DTNB: variants seen among roughly 807,000 people sequenced by gnomAD.
The protein encoded by DTNB is dystrobrevin beta, also known as DTN-B.
DTNB carries 63 observed loss-of-function variants against 90.7 expected under a neutral mutation model. The observed-to-expected ratio is 0.69, with a 90% CI of 0.57 to 0.86. The LOEUF (loss-of-function observed/expected upper bound fraction) is 0.86. DTNB is among the 40% of genes least tolerant of loss of function. DTNB has a pLI of 0.00. For missense variants in DTNB, 744 were observed against 807.1 expected (o/e 0.92, Z 0.95); for synonymous variants, 277 against 286.7 (o/e 0.97, Z 0.34).
intron 8 of DTNB, among the ~76,000 whole-genome samples, chr2:25,569,070 G>A (rs1052445226): frequency 6.6e-6 from 1 of 152,160 alleles, no homozygotes; most frequent in African/African-American, 2.4e-5. Flanking sequence ...GTCTGTTCCA[G>A]CAGATCCCGG....
At chr2:25,469,521 C>T (rs1000507869) in intron 10 of DTNB, among the ~76,000 whole-genome samples, 2 of 152,194 alleles carry the variant, frequency 1.3e-5, no homozygotes, top group Admixed American at 6.5e-5. Context: ...TCTCAGCTCA[C>T]TGCAACCTCC....
chr2:25,585,628 C>T (rs1183022401), intron 6 of DTNB, among the ~76,000 whole-genome samples: 8 of 152,196 alleles, frequency 5.3e-5, no homozygotes, highest in Non-Finnish European at 1.0e-4. Context: ...TATAGATCAT[C>T]ATTGCTACAG....
At chr2:25,446,080 A>C (rs2058381447) in intron 12 of DTNB, among the ~76,000 whole-genome samples, 1 of 152,148 alleles carries the variant, frequency 6.6e-6, no homozygotes, top group Non-Finnish European at 1.5e-5. Flanking sequence ...TTTAGGATGA[A>C]TCTTACTGTG....
chr2:25,446,824 T>C (rs1448313138), intron 12 of DTNB, among the ~76,000 whole-genome samples: 1 of 152,226 alleles, frequency 6.6e-6, no homozygotes, highest in African/African-American at 2.4e-5. Context: ...TTCAAACATT[T>C]TTTAACCCTA....
intron 8 of DTNB, among the ~76,000 whole-genome samples, chr2:25,534,122 TTCCTAGGCAGAGG>T (rs1423648694): frequency 2.6e-5 from 4 of 152,146 alleles, no homozygotes; most frequent in African/African-American, 9.7e-5. Context: ...GTCTCTGGTT[TTCCTAGGCAGAGG>T]TCCCTGCGGC....
chr2:25,540,350 G>T (rs2080906791), intron 8 of DTNB, among the ~76,000 whole-genome samples: 1 of 152,044 alleles, frequency 6.6e-6, no homozygotes, highest in Admixed American at 6.6e-5. Context: ...TCTCCATAAA[G>T]GATTTATATG....
At chr2:25,390,551 C>G (rs968604282) in intron 16 of DTNB, among the ~76,000 whole-genome samples, 1 of 151,542 alleles carries the variant, frequency 6.6e-6, no homozygotes, top group Non-Finnish European at 1.5e-5. Context: ...TCAACCAATT[C>G]TCCTGCCTCA....
chr2:25,584,673 C>T (rs1236381236), intron 6 of DTNB, among the ~76,000 whole-genome samples: 2 of 152,054 alleles, frequency 1.3e-5, no homozygotes, highest in South Asian at 2.1e-4. Context: ...TGTCCTGCCT[C>T]AGCCTCCTAA....
At chr2:25,380,527 C>T (rs900747956) in intron 19 of DTNB, among the ~76,000 whole-genome samples, 8 of 152,206 alleles carry the variant, frequency 5.3e-5, no homozygotes, top group Admixed American at 1.3e-4. Context: ...AAGTCACATA[C>T]GTAAAAATTC....
At chr2:25,556,604 A>G (rs1482404626) in intron 8 of DTNB, among the ~76,000 whole-genome samples, 1 of 152,202 alleles carries the variant, frequency 6.6e-6, no homozygotes, top group African/African-American at 2.4e-5. Flanking sequence ...CTAATGAAAT[A>G]TATAGACAAA....
At chr2:25,615,610 G>A (rs1046966448) in intron 4 of DTNB, among the ~76,000 whole-genome samples, 3 of 152,104 alleles carry the variant, frequency 2.0e-5, no homozygotes, top group Non-Finnish European at 2.9e-5. Flanking sequence ...GGGGTATCAG[G>A]AGCTCTGTCT....
chr2:25,463,466 C>T (rs775542194), intron 10 of DTNB, among the ~76,000 whole-genome samples: 74 of 152,180 alleles, frequency 4.9e-4, no homozygotes, highest in Admixed American at 9.2e-4. Context: ...TGATTCTCCA[C>T]GCTGCAATGA....
intron 16 of DTNB, among the ~76,000 whole-genome samples, chr2:25,409,939 T>C (rs1488882279): frequency 6.6e-6 from 1 of 152,242 alleles, no homozygotes. Flanking sequence ...CTATGGGACA[T>C]AATAGCATGT....
At chr2:25,665,455 T>C (rs904003180) in intron 1 of DTNB, among the ~76,000 whole-genome samples, 5 of 151,832 alleles carry the variant, frequency 3.3e-5, no homozygotes, top group African/African-American at 1.2e-4. Flanking sequence ...TGAAACCCAG[T>C]CTCTAATAAA....
chr2:25,673,085 G>T (rs2114816), intron 1 of DTNB: 24,467 of 151,882 alleles, frequency 0.16, 2,559 homozygotes, highest in East Asian at 0.58. Context: ...GCCCGGCGCC[G>T]GGCCCCCGCT....
At chr2:25,465,614 T>G (rs752181168) in intron 10 of DTNB, among the ~76,000 whole-genome samples, 46 of 152,158 alleles carry the variant, frequency 3.0e-4, no homozygotes, top group Admixed American at 5.9e-4. Context: ...ACCTTTCCAC[T>G]ATTCCAGAAA....
chr2:25,597,848 T>C (rs954892242), intron 5 of DTNB, among the ~76,000 whole-genome samples: 37 of 152,278 alleles, frequency 2.4e-4, no homozygotes, highest in Non-Finnish European at 4.4e-4. Context: ...ACTTTCAATG[T>C]AGCTGGAAAA....
intron 1 of DTNB, among the ~76,000 whole-genome samples, chr2:25,670,523 G>GT (rs2085588016): frequency 6.6e-6 from 1 of 152,214 alleles, no homozygotes; most frequent in Non-Finnish European, 1.5e-5. Flanking sequence ...TATCTGACAA[G>GT]TGAGTGTGTG....
intron 19 of DTNB, chr2:25,379,555 G>T: frequency 2.4e-6 from 1 of 422,064 alleles, no homozygotes; most frequent in East Asian, 3.6e-5. Context: ...TCAGGAGAAG[G>T]AAAGTCATTA....
Sources: allele counts gnomAD v4.1 joint callset (sites outside exome capture counted in the v4.1 genomes callset), GRCh38; gene constraint gnomAD v4.1.1; transcripts MANE v1.5; gene names NCBI Gene and HGNC (gene_info 2026-07-23, HGNC 2026-07-21).